Variants in SND1 observed in about 807,000 individuals in gnomAD.
The protein encoded by SND1 is staphylococcal nuclease domain-containing protein 1.
Under a neutral mutation model 121.7 loss-of-function variants are expected in SND1, and 38 were observed. The ratio of observed to expected loss-of-function variants is 0.31; its 90% CI spans 0.24 to 0.41. SND1 has a LOEUF of 0.41. Among genes scored for constraint, SND1 ranks in the 10% least tolerant of loss-of-function variants. SND1 has a pLI of 1.00. For synonymous variants in SND1, 401 were observed against 447.4 expected (o/e 0.90, Z 1.31); for missense variants, 868 against 1,184.6 (o/e 0.73, Z 3.92).
intron 4 of SND1, 107 bp downstream of exon 4, chr7:127,699,060 C>T: frequency 3.7e-6 from 3 of 814,134 alleles, no homozygotes; most frequent in Non-Finnish European, 6.2e-6. Context: ...TTCACACCTT[C>T]GCGGACATTC....
chr7:128,066,597 G>A (rs1793319036), intron 16 of SND1, among the ~76,000 whole-genome samples: 1 of 152,214 alleles, frequency 6.6e-6, no homozygotes, highest in Admixed American at 6.5e-5. Flanking sequence ...ACAGCCTCTC[G>A]CCTTCCACAG....
At chr7:128,023,302 C>G (rs982150842) in intron 16 of SND1, among the ~76,000 whole-genome samples, 6 of 152,188 alleles carry the variant, frequency 3.9e-5, no homozygotes, top group African/African-American at 1.4e-4. Flanking sequence ...TCCCCACTCC[C>G]CACTCCCAGT....
Position 128,085,669 on chromosome 7 carries a change from C to G in SND1, c.2235-42C>G. 1 of 1,596,392 alleles carries G rather than the reference C, an allele frequency of 6.3e-7. No individual in the cohort carries two copies. The highest frequency in any genetic ancestry group is 1.7e-5 in the Admixed American group (1 of 59,904). On this transcript the variant is annotated intron_variant, in intron 19 of 23. Coordinates refer to ENST00000354725, the MANE Select transcript of SND1 (RefSeq NM_014390.4). This position sits in a 1 kb window ranked among gnomAD's most constrained non-coding sequence, Gnocchi z 4.4. The stretch of plus-strand genomic sequence containing the variant: ...GCTGAGGCTCTGGGAGCCCAGAGTC[C>G]TCAGGGCTGTCTCTTGAGCTCTGCC...
chr7:127,677,099 C>T (rs1048058341), intron 1 of SND1, among the ~76,000 whole-genome samples: 13 of 152,040 alleles, frequency 8.6e-5, no homozygotes, highest in African/African-American at 2.9e-4. Context: ...TGTACATACT[C>T]TTCCAGTCTT....
intron 15 of SND1, among the ~76,000 whole-genome samples, chr7:127,952,958 T>C (rs1407067736): frequency 1.3e-5 from 2 of 151,726 alleles, no homozygotes; most frequent in African/African-American, 4.8e-5. Flanking sequence ...ATCCCAGGAG[T>C]TCGAGACCAG....
At chr7:127,654,847 G>C (rs1373651673) in intron 1 of SND1, among the ~76,000 whole-genome samples, 2 of 152,214 alleles carry the variant, frequency 1.3e-5, no homozygotes, top group East Asian at 3.9e-4. Flanking sequence ...AGGTTTAGAA[G>C]CCTTGTCTGG....
chr7:127,673,185 T>C (rs552752922), intron 1 of SND1, among the ~76,000 whole-genome samples: 6 of 137,784 alleles, frequency 4.4e-5, no homozygotes, highest in Non-Finnish European at 9.2e-5. Flanking sequence ...ACATATACTA[T>C]ATATTATAAT....
chr7:127,725,713 C>T (rs1011021653), intron 10 of SND1, among the ~76,000 whole-genome samples: 11 of 152,246 alleles, frequency 7.2e-5, no homozygotes, highest in African/African-American at 1.7e-4. Flanking sequence ...GAAAGGATAA[C>T]CTGAAAACTT....
intron 16 of SND1, among the ~76,000 whole-genome samples, chr7:128,054,630 C>T (rs1241976619): frequency 6.6e-6 from 1 of 152,186 alleles, no homozygotes; most frequent in East Asian, 1.9e-4. Flanking sequence ...AATTCCTCCT[C>T]CTCAGCCCCC....
chr7:127,915,258 C>T (rs2116787755), intron 14 of SND1, among the ~76,000 whole-genome samples: 1 of 152,258 alleles, frequency 6.6e-6, no homozygotes, highest in East Asian at 1.9e-4. Flanking sequence ...AAGCGCGAGC[C>T]ACTGCACCCA....
intron 16 of SND1, among the ~76,000 whole-genome samples, chr7:128,066,773 A>G (rs1793322433): frequency 6.6e-6 from 1 of 152,174 alleles, no homozygotes; most frequent in South Asian, 2.1e-4. Flanking sequence ...AGCATGCTAC[A>G]GCCTTCACGC....
intron 14 of SND1, among the ~76,000 whole-genome samples, chr7:127,916,063 T>TAG (rs35469272): frequency 0.2 from 30,843 of 150,518 alleles, 3,565 homozygotes; most frequent in Middle Eastern, 0.31. Context: ...CATATATATA[T>TAG]AGAGAGAGAG....
At chr7:127,840,301 G>A (rs961589861) in intron 11 of SND1, among the ~76,000 whole-genome samples, 1 of 152,158 alleles carries the variant, frequency 6.6e-6, no homozygotes, top group African/African-American at 2.4e-5. Flanking sequence ...TCGTTTTTAA[G>A]GTCAAGGGAA....
At chr7:127,920,858 CAAAAAA>C (rs34784173) in intron 14 of SND1, among the ~76,000 whole-genome samples, 2 of 120,424 alleles carry the variant, frequency 1.7e-5, no homozygotes, top group African/African-American at 7.1e-5. Flanking sequence ...CTTATCTTAA[CAAAAAA>C]AAAAAAAAAA....
chr7:128,028,249 T>G (rs1803536730), intron 16 of SND1: 1 of 154,772 alleles, frequency 6.5e-6, no homozygotes, highest in African/African-American at 2.4e-5. Context: ...AAGATGTCTG[T>G]AGAAATGGAT....
intron 1 of SND1, chr7:127,679,415 A>T (rs953302362): frequency 1.3e-5 from 2 of 152,170 alleles, no homozygotes; most frequent in Non-Finnish European, 2.9e-5. Context: ...ATGTTTTTGT[A>T]CTTCTGTGTT....
rs762377500 is a variant in SND1, at chr7:128,029,629, G to A, written c.1779+38573G>A. 2.5e-6 allele frequency: 4 copies of A among 1,614,022 alleles called. No individual in the cohort carries two copies. The highest frequency in any genetic ancestry group is 3.4e-6 in the Non-Finnish European group (4 of 1,180,000). ...GCCTGGTCCACCTCCACGAGGTAGC[G>A]GCCTCGCATGTGCATGGGAGCATGA... On this transcript the variant is annotated intron_variant, in intron 16 of 23. Transcript: ENST00000354725. This position sits in a 1 kb window ranked among gnomAD's most constrained non-coding sequence, Gnocchi z 4.2.
chr7:127,950,936 C>G (rs987723320), intron 15 of SND1, among the ~76,000 whole-genome samples: 1 of 152,098 alleles, frequency 6.6e-6, no homozygotes, highest in African/African-American at 2.4e-5. Context: ...CAGAACAAAT[C>G]TAGATTTGGA....
At chr7:128,031,452 C>G (rs1000723428) in intron 16 of SND1, 1 of 151,762 alleles carries the variant, frequency 6.6e-6, no homozygotes, top group African/African-American at 2.4e-5. Context: ...GCTCGCGGAG[C>G]GGCGAGAGTT....
Sources: gnomAD v4.1 joint callset for allele counts (sites outside exome capture counted in the v4.1 genomes callset) on GRCh38, gnomAD v4.1.1 for gene constraint, Gnocchi (gnomAD v3.1) non-coding constraint, MANE v1.5 for transcripts, NCBI Gene and HGNC (gene_info 2026-07-23, HGNC 2026-07-21) for gene names.